PDE3B: variants seen among roughly 807,000 people sequenced by gnomAD.
PDE3B encodes cGMP-inhibited 3',5'-cyclic phosphodiesterase 3B.
In PDE3B, 66 loss-of-function variants were observed where a neutral mutation model predicts 116.8. The ratio of observed to expected loss-of-function variants is 0.56; its 90% confidence interval spans 0.46 to 0.69. The LOEUF is 0.69. Among genes scored for constraint, PDE3B ranks in the 30% least tolerant of loss-of-function variants. PDE3B has a pLI of 0.00. For synonymous variants in PDE3B, 595 were observed against 533.6 expected, an observed-to-expected ratio of 1.12 and a Z score of -1.59; for missense variants, 1,384 against 1,368.1, an observed-to-expected ratio of 1.01 and a Z score of -0.18.
chr11:14,697,941 A>G (rs1855258786), intron 1 of PDE3B, among the ~76,000 whole-genome samples: 1 of 152,040 alleles, frequency 6.6e-6, no homozygotes, highest in African/African-American at 2.4e-5. Flanking sequence ...TTGGTATATA[A>G]TCATGTTACC....
At chr11:14,727,611 A>G (rs1856346310) in intron 1 of PDE3B, among the ~76,000 whole-genome samples, 1 of 152,114 alleles carries the variant, frequency 6.6e-6, no homozygotes. Context: ...ATGTGAATTT[A>G]TGTCTTAGAC....
chr11:14,684,209 A>G (rs1162062719), intron 1 of PDE3B, among the ~76,000 whole-genome samples: 2 of 152,188 alleles, frequency 1.3e-5, no homozygotes, highest in South Asian at 4.1e-4. Flanking sequence ...CCGTATTTCA[A>G]CGTAGGTTCT....
rs577801025 is a variant in PDE3B, at chr11:14,844,003, C to T, written c.2497C>T (p.Leu833=). ...YDHPGRTNAF[L]VATNAPQAVL... ...TCACCCAGGGAGGACAAATGCATTT[C>T]TAGTGGCTACAAATGCCCCTCAGGT... is the stretch of plus-strand genomic sequence containing the variant. Residue 833 remains leucine, a synonymous_variant, in exon 12 of 16, where the codon CTA becomes TTA. Transcript: ENST00000282096. 2 of 1,613,472 alleles carry T rather than the reference C, an allele frequency of 1.2e-6. No individual in the cohort carries two copies. Among genetic ancestry groups the T allele is most frequent in the Admixed American group, 1.7e-5 (1 of 60,022 alleles).
chr11:14,661,564 G>A (rs1348539995), intron 1 of PDE3B, among the ~76,000 whole-genome samples: 1 of 152,216 alleles, frequency 6.6e-6, no homozygotes, highest in Non-Finnish European at 1.5e-5. Context: ...CAAAGAAAGG[G>A]GTGACAGACG....
At chr11:14,892,098 C>G in the PDE3B span, 1 of 1,611,622 alleles carries the variant, frequency 6.2e-7, no homozygotes, top group Non-Finnish European at 8.5e-7. Context: ...GGAAGCCCAT[C>G]GGCCGCCTCT....
chr11:14,748,319 T>A (rs1007373925), intron 1 of PDE3B, among the ~76,000 whole-genome samples: 1 of 152,238 alleles, frequency 6.6e-6, no homozygotes, highest in African/African-American at 2.4e-5. Context: ...CTGTTTTGAT[T>A]TGAGGCAGAT....
Position 14,832,817 on chromosome 11 carries a change from C to A in PDE3B, c.2190C>A (p.Gly730=). The part of the protein sequence containing the change: ...FMNYFRALEN[G]YRDIPYHNRI... ...ACTATTTTCGTGCATTAGAAAATGG[C>A]TATCGAGACATTCCTTGTAAGTATT... The change falls in exon 10 of 16, where the codon GGC becomes GGA. Residue 730 remains glycine (G), a synonymous_variant. Transcript: ENST00000282096. 1 of 1,435,118 alleles carries A rather than the reference C, an allele frequency of 7.0e-7. No individual in the cohort carries two copies. Among genetic ancestry groups the A allele is most frequent in the Non-Finnish European group, 9.7e-7 (1 of 1,033,006 alleles). 88.9% of individuals were successfully genotyped at this position (1,435,118 alleles called of 1,614,324 possible). A position where few individuals can be genotyped will look rare whatever the true frequency, so the allele number is the denominator to read the frequency against.
At chr11:14,757,969 T>C (rs951098565) in intron 1 of PDE3B, among the ~76,000 whole-genome samples, 1 of 151,572 alleles carries the variant, frequency 6.6e-6, no homozygotes, top group African/African-American at 2.4e-5. Context: ...CCATCTTGAA[T>C]TGATTTTTGT....
At chr11:14,768,987 A>T (rs1001134795) in intron 1 of PDE3B, among the ~76,000 whole-genome samples, 2 of 151,496 alleles carry the variant, frequency 1.3e-5, no homozygotes, top group Non-Finnish European at 3.0e-5. Flanking sequence ...GCAGTCTGCT[A>T]GCTCTTTGTG....
chr11:14,666,522 G>C (rs1360310266), intron 1 of PDE3B, among the ~76,000 whole-genome samples: 1 of 150,256 alleles, frequency 6.7e-6, no homozygotes, highest in South Asian at 2.1e-4. Flanking sequence ...GAAAATTTTC[G>C]CAACCTACTC....
At chr11:14,736,782 CAATA>C (rs1856611798) in intron 1 of PDE3B, among the ~76,000 whole-genome samples, 1 of 151,994 alleles carries the variant, frequency 6.6e-6, no homozygotes, top group South Asian at 2.1e-4. Context: ...GTTCCACAAA[CAATA>C]AATCAATTGG....
chr11:14,896,118 C>T, the PDE3B span, among the ~76,000 whole-genome samples: 3 of 152,356 alleles, frequency 2.0e-5, no homozygotes, highest in Middle Eastern at 3.4e-3. Flanking sequence ...ATCCTTGCCA[C>T]TTCCTCCCAT....
intron 1 of PDE3B, among the ~76,000 whole-genome samples, chr11:14,683,154 G>C (rs1854764106): frequency 1.3e-5 from 2 of 152,024 alleles, no homozygotes; most frequent in Admixed American, 1.3e-4. Context: ...TGATCAGGCT[G>C]GTCTTGAACT....
chr11:14,823,975 G>T (rs1237819653), intron 7 of PDE3B, among the ~76,000 whole-genome samples: 1 of 152,178 alleles, frequency 6.6e-6, no homozygotes, highest in Non-Finnish European at 1.5e-5. Context: ...ACAGCCTTAG[G>T]CTTTGCTGTC....
At chr11:14,843,596 C>T (rs1196850995) in intron 11 of PDE3B, among the ~76,000 whole-genome samples, 3 of 152,112 alleles carry the variant, frequency 2.0e-5, no homozygotes, top group East Asian at 3.8e-4. Context: ...TGTGAGAATC[C>T]TATCACGTCT....
At chr11:14,673,462 CAG>C (rs1338751368) in intron 1 of PDE3B, 2 of 245,086 alleles carry the variant, frequency 8.2e-6, no homozygotes, top group East Asian at 1.1e-4. Context: ...TAAAACAAAA[CAG>C]AAAAAAACAT....
intron 1 of PDE3B, among the ~76,000 whole-genome samples, chr11:14,692,747 G>A (rs2133808123): frequency 6.6e-6 from 1 of 152,092 alleles, no homozygotes; most frequent in East Asian, 1.9e-4. Context: ...CCCTGTCCTT[G>A]GACCTCCCTA....
intron 1 of PDE3B, among the ~76,000 whole-genome samples, chr11:14,695,745 C>G (rs1233105242): frequency 6.6e-6 from 1 of 152,022 alleles, no homozygotes; most frequent in African/African-American, 2.4e-5. Flanking sequence ...TTGGCTCCCA[C>G]TTATAAGTAA....
chr11:14,701,653 A>G (rs1565098091), intron 1 of PDE3B, among the ~76,000 whole-genome samples: 1 of 151,844 alleles, frequency 6.6e-6, no homozygotes, highest in East Asian at 1.9e-4. Flanking sequence ...ATAATTGAAG[A>G]GTTAGCTCTT....
Sources: gnomAD v4.1 joint callset for allele counts (sites outside exome capture counted in the v4.1 genomes callset) on GRCh38, gnomAD v4.1.1 for gene constraint, MANE v1.5 for transcripts, NCBI Gene and HGNC (gene_info 2026-07-23, HGNC 2026-07-21) for gene names.